Variants in ZSWIM6 observed in about 807,000 individuals in gnomAD.
ZSWIM6 encodes the protein zinc finger SWIM domain-containing protein 6.
A neutral mutation model predicts 113.2 loss-of-function variants in ZSWIM6; 9 were observed. That is an observed-to-expected ratio of 0.08 (90% confidence interval 0.05 to 0.14). ZSWIM6 has a LOEUF of 0.14. Among genes scored for constraint, ZSWIM6 ranks in the 10% least tolerant of loss-of-function variants. The pLI is 1.00. For missense variants in ZSWIM6, 1,162 were observed against 1,552.2 expected (o/e 0.75, Z 4.22); for synonymous variants, 611 against 606.5 (o/e 1.01, Z -0.11).
At chr5:61,355,826 T>C (rs1466584538) in intron 1 of ZSWIM6, among the ~76,000 whole-genome samples, 2 of 152,192 alleles carry the variant, frequency 1.3e-5, no homozygotes, top group African/African-American at 4.8e-5. Flanking sequence ...GAAATGATAA[T>C]ATTTGTGTTA....
In ZSWIM6 at chr5:61,537,513, A is replaced by G. The variant is rs544133020; in HGVS notation, c.2382-1301A>G. Among the ~76,000 whole-genome samples, 78 of 152,238 alleles carry G rather than the reference A, an allele frequency of 5.1e-4. 1 individual carries two copies. The South Asian group carries it at 0.015, about 30-fold the overall frequency. On this transcript the variant is annotated intron_variant, in intron 10 of 13. Coordinates refer to ENST00000252744, the MANE Select transcript of ZSWIM6 (RefSeq NM_020928.2). Reference sequence around the variant, plus strand: ...AGGGATGTTGATTAGTTTCTTCTACAGTAAGTCTGGCAAGACCTGCCTGTG... The same window carrying G: ...AGGGATGTTGATTAGTTTCTTCTACGGTAAGTCTGGCAAGACCTGCCTGTG...
intron 5 of ZSWIM6, among the ~76,000 whole-genome samples, chr5:61,524,424 C>G (rs181853650): frequency 6.6e-6 from 1 of 152,240 alleles, no homozygotes; most frequent in Admixed American, 6.5e-5. Context: ...CTAAGTTGAC[C>G]TGAGACCAAA....
chr5:61,413,632 C>T (rs1188006194), intron 1 of ZSWIM6, among the ~76,000 whole-genome samples: 1 of 152,124 alleles, frequency 6.6e-6, no homozygotes, highest in East Asian at 1.9e-4. Flanking sequence ...AGTTTACAGT[C>T]CCACCAACAG....
chr5:61,423,194 G>C (rs1336596333), intron 1 of ZSWIM6, among the ~76,000 whole-genome samples: 1 of 152,070 alleles, frequency 6.6e-6, no homozygotes, highest in Non-Finnish European at 1.5e-5. Flanking sequence ...ATCACCTGAG[G>C]TCAGGAGTTT....
At chr5:61,541,174 C>A (rs1181646619) in intron 12 of ZSWIM6, among the ~76,000 whole-genome samples, 1 of 152,046 alleles carries the variant, frequency 6.6e-6, no homozygotes, top group Non-Finnish European at 1.5e-5. Flanking sequence ...AAACTCCTGA[C>A]CTCGTGATCC....
At chr5:61,434,151 T>C (rs1746648054) in intron 1 of ZSWIM6, among the ~76,000 whole-genome samples, 2 of 147,130 alleles carry the variant, frequency 1.4e-5, no homozygotes, top group African/African-American at 2.5e-5. Context: ...ATATAACATA[T>C]ATATAAATAT....
chr5:61,474,913 G>A (rs186337958), intron 2 of ZSWIM6, among the ~76,000 whole-genome samples: 2 of 152,134 alleles, frequency 1.3e-5, no homozygotes, highest in African/African-American at 4.8e-5. Flanking sequence ...CTATCATAAG[G>A]TGTGTAAAGC....
intron 7 of ZSWIM6, among the ~76,000 whole-genome samples, 162 bp downstream of exon 7, chr5:61,526,558 A>G (rs1398050908): frequency 6.6e-6 from 1 of 151,130 alleles, no homozygotes; most frequent in Non-Finnish European, 1.5e-5. Flanking sequence ...AATTTGGGGC[A>G]TCTTTTTCTT....
intron 1 of ZSWIM6, among the ~76,000 whole-genome samples, chr5:61,377,606 A>G (rs1745398264): frequency 6.6e-6 from 1 of 152,038 alleles, no homozygotes; most frequent in Admixed American, 6.6e-5. Context: ...AATCCCAGCT[A>G]CTCAGGAGAC....
chr5:61,365,650 G>A (rs1017295498), intron 1 of ZSWIM6, among the ~76,000 whole-genome samples: 1 of 152,130 alleles, frequency 6.6e-6, no homozygotes, highest in Non-Finnish European at 1.5e-5. Flanking sequence ...AGTAAACAGT[G>A]TGATTATGTT....
chr5:61,341,007 G>A (rs1042311250), intron 1 of ZSWIM6, among the ~76,000 whole-genome samples: 10 of 152,338 alleles, frequency 6.6e-5, no homozygotes, highest in African/African-American at 2.2e-4. Context: ...TATACAGCAA[G>A]TCCTTGAATA....
chr5:61,428,364 T>G (rs1746506835), intron 1 of ZSWIM6, among the ~76,000 whole-genome samples: 1 of 152,110 alleles, frequency 6.6e-6, no homozygotes, highest in Admixed American at 6.6e-5. Flanking sequence ...GTGATTCTCT[T>G]AGGCTGTTTT....
chr5:61,408,222 T>C (rs1009335738), intron 1 of ZSWIM6, among the ~76,000 whole-genome samples: 1 of 152,260 alleles, frequency 6.6e-6, no homozygotes, highest in Non-Finnish European at 1.5e-5. Flanking sequence ...TTTCCTTATG[T>C]ATCACTAAAA....
chr5:61,419,119 G>A (rs1031200854), intron 1 of ZSWIM6, among the ~76,000 whole-genome samples: 5 of 152,220 alleles, frequency 3.3e-5, no homozygotes, highest in African/African-American at 1.2e-4. Context: ...ACCACGCCCG[G>A]CCTCCTCTTT....
rs184606957 is a variant in ZSWIM6 at position 61,444,268 on chromosome 5, G to A, written c.677-28413G>A. 6.4e-4 allele frequency among the ~76,000 whole-genome samples: 98 copies of A among 151,968 alleles called. No individual in the cohort carries two copies. The Middle Eastern group carries it at 0.01, about 16-fold the overall frequency. On this transcript the variant is annotated intron_variant, in intron 1 of 13. Transcript: ENST00000252744. ...CAGTTTCATCCATGTCCCTACAAAG[G>A]ACATGAACTCATCATAATTTATGGC...
chr5:61,535,369 T>C, intron 9 of ZSWIM6, 115 bp from the exon 10 acceptor site: 1 of 1,251,706 alleles, frequency 8.0e-7, no homozygotes, highest in Non-Finnish European at 1.1e-6. Flanking sequence ...TATCATTTAC[T>C]TGAAATTCTT....
chr5:61,360,978 T>G (rs187688974), intron 1 of ZSWIM6, among the ~76,000 whole-genome samples: 2 of 152,296 alleles, frequency 1.3e-5, no homozygotes, highest in Admixed American at 1.3e-4. Context: ...AAGAAGCCCC[T>G]TAATGTTAAT....
rs1437989000 is a variant in ZSWIM6, at chr5:61,332,590, G to A, written c.318G>A (p.Gln106=). The change falls in exon 1 of 14, where the codon CAG becomes CAA. Residue 106 remains glutamine (Q), a synonymous_variant. Transcript: ENST00000252744. ...TTGAGCGCATCCCGGAGCCGGTGCA[G>A]CGCCGCATAGTCTATTGGTCCTTCC... ...ERFERIPEPV[Q]RRIVYWSFPR... The A allele has an allele frequency of 1.5e-6, 2 of 1,341,596 alleles. No individual in the cohort carries two copies. The highest frequency in any genetic ancestry group is 2.0e-6 in the Non-Finnish European group (2 of 1,017,380). The allele number at this position is 1,341,596 out of a possible 1,614,324, so 83.1% of individuals were successfully genotyped here. A position where few individuals can be genotyped will look rare whatever the true frequency, so the allele number is the denominator to read the frequency against.
intron 1 of ZSWIM6, among the ~76,000 whole-genome samples, chr5:61,392,403 CT>C (rs1579971976): frequency 2.0e-5 from 3 of 152,118 alleles, no homozygotes; most frequent in Non-Finnish European, 2.9e-5. Flanking sequence ...GAAAATCTAT[CT>C]TTCTGTAGGG....
Sources: gnomAD v4.1 joint callset for allele counts (sites outside exome capture counted in the v4.1 genomes callset) on GRCh38, gnomAD v4.1.1 for gene constraint, MANE v1.5 for transcripts, NCBI Gene and HGNC (gene_info 2026-07-23, HGNC 2026-07-21) for gene names.